Variants in PLEKHA8 observed in about 807,000 individuals in gnomAD.
PLEKHA8 encodes pleckstrin homology domain-containing family A member 8.
PLEKHA8 carries 36 observed loss-of-function variants against 68.2 expected under a neutral mutation model. The ratio of observed to expected loss-of-function variants is 0.53; its 90% CI spans 0.40 to 0.70. PLEKHA8 has a LOEUF of 0.70. Ranked by LOEUF, PLEKHA8 falls within the 30% of genes least tolerant of loss-of-function variation. The pLI is 0.00. For missense variants in PLEKHA8, 505 were observed against 615.4 expected, an observed-to-expected ratio of 0.82 and a Z score of 1.90; for synonymous variants, 211 against 216.1, an observed-to-expected ratio of 0.98 and a Z score of 0.20.
intron 1 of PLEKHA8, among the ~76,000 whole-genome samples, chr7:30,040,690 T>C (rs1791463069): frequency 6.6e-6 from 1 of 152,252 alleles, no homozygotes; most frequent in Non-Finnish European, 1.5e-5. Context: ...GTATGCTTTC[T>C]GTAGTGAAAC....
rs989166296 is a variant in PLEKHA8, at chr7:30,083,232, T to G, written c.*4445T>G. 3 of 982,352 alleles carry G rather than the reference T, an allele frequency of 3.1e-6. No individual in the cohort carries two copies. The highest frequency in any genetic ancestry group is 1.7e-5 in the African/African-American group (1 of 57,158). 60.9% of individuals were successfully genotyped at this position (982,352 alleles called of 1,614,324 possible). A position where few individuals can be genotyped will look rare whatever the true frequency, so the allele number is the denominator to read the frequency against. On this transcript the variant is annotated 3_prime_UTR_variant, in exon 14 of 14. Transcript: ENST00000449726. ...ATGGTAAATTTGTATTCTTATGGAT[T>G]GTATATAGAATGCTTTCGTTAGAAG...
chr7:30,045,864 C>G (rs1028307645), intron 2 of PLEKHA8, among the ~76,000 whole-genome samples: 1 of 152,130 alleles, frequency 6.6e-6, no homozygotes, highest in Non-Finnish European at 1.5e-5. Context: ...TTCTTGGCCT[C>G]AGAGCAGCCT....
At chr7:30,061,256 T>C (rs1476865168) in intron 10 of PLEKHA8, among the ~76,000 whole-genome samples, 1 of 152,150 alleles carries the variant, frequency 6.6e-6, no homozygotes, top group Non-Finnish European at 1.5e-5. Context: ...TTTTTTAGGT[T>C]TAAATGGTGA....
intron 12 of PLEKHA8, among the ~76,000 whole-genome samples, chr7:30,068,227 C>G (rs1008232966): frequency 1.3e-5 from 2 of 152,126 alleles, no homozygotes; most frequent in Non-Finnish European, 2.9e-5. Context: ...GATGCTGAGG[C>G]TGCTGGTTTG....
At chr7:30,127,935 T>G (rs894732927) in intron 13 of PLEKHA8, among the ~76,000 whole-genome samples, 7 of 152,212 alleles carry the variant, frequency 4.6e-5, no homozygotes, top group African/African-American at 1.7e-4. Flanking sequence ...TCTTTGATGT[T>G]TCATCCTATA....
intron 1 of PLEKHA8, among the ~76,000 whole-genome samples, chr7:30,044,591 C>G (rs976472377): frequency 1.3e-5 from 2 of 152,252 alleles, no homozygotes; most frequent in Non-Finnish European, 2.9e-5. Context: ...TTAGTTGGCA[C>G]TCTCTATGAC....
Position 30,073,632 on chromosome 7 carries a change from A to G in PLEKHA8, c.1301-439A>G, listed in dbSNP as rs1017610013. On this transcript the variant is annotated intron_variant, in intron 12 of 13. Coordinates refer to ENST00000449726, the MANE Select transcript of PLEKHA8 (RefSeq NM_001197026.2). The stretch of plus-strand genomic sequence containing the variant: ...TACTGCTTTAGATTTTTTGGGTCCA[A>G]AATCTTGTAATTAGATTTTTTTCAT... Among the ~76,000 whole-genome samples, 11 of 151,708 alleles carry G rather than the reference A, an allele frequency of 7.3e-5. No homozygotes were observed. In the South Asian group the frequency reaches 2.1e-3, roughly 29 times the overall value.
chr7:30,067,743 CT>C (rs1221975998), intron 12 of PLEKHA8, among the ~76,000 whole-genome samples: 2 of 152,190 alleles, frequency 1.3e-5, no homozygotes, highest in Admixed American at 6.5e-5. Flanking sequence ...TGTGCACATT[CT>C]TCCTTCTTCA....
At chr7:30,106,782 G>A (rs62446727) in intron 13 of PLEKHA8, among the ~76,000 whole-genome samples, 21,459 of 152,196 alleles carry the variant, frequency 0.14, 1,539 homozygotes, top group Middle Eastern at 0.18. Flanking sequence ...TTGAATGCAC[G>A]CAAATGAAGT....
intron 13 of PLEKHA8, among the ~76,000 whole-genome samples, chr7:30,115,579 CGTATACATGTAGACAT>C (rs958008393): frequency 1.1e-5 from 1 of 87,670 alleles, no homozygotes; most frequent in African/African-American, 3.1e-5. Flanking sequence ...TATACATGCA[CGTATACATGTAGACAT>C]GTATACATAC....
At chr7:30,044,076 G>A (rs1490970216) in intron 1 of PLEKHA8, among the ~76,000 whole-genome samples, 6 of 146,964 alleles carry the variant, frequency 4.1e-5, no homozygotes, top group Non-Finnish European at 7.4e-5. Flanking sequence ...AAAAGATCTC[G>A]GCTCACTGCA....
chr7:30,028,620 G>GGGCGTTCCCACACCGGGCCC lies in PLEKHA8; in HGVS notation c.-138_-137insTCCCACACCGGGCCCGGCGT. ...CCGGGCCGAGGATGTGAGGCGGGCC[G>GGGCGTTCCCACACCGGGCCC]GGCGTCCCCACACCGGGCCCGGGCG... On this transcript the variant is annotated 5_prime_UTR_variant, in exon 1 of 14. Transcript: ENST00000449726. 1.9e-6 allele frequency: 1 copy of GGGCGTTCCCACACCGGGCCC among 530,906 alleles called. No individual in the cohort carries two copies. Among genetic ancestry groups the GGGCGTTCCCACACCGGGCCC allele is most frequent in the Non-Finnish European group, 2.9e-6 (1 of 349,788 alleles). 32.9% of individuals were successfully genotyped at this position (530,906 alleles called of 1,614,324 possible).
At chr7:30,104,363 A>T (rs1186075787) in intron 13 of PLEKHA8, among the ~76,000 whole-genome samples, 1 of 152,174 alleles carries the variant, frequency 6.6e-6, no homozygotes, top group Non-Finnish European at 1.5e-5. Flanking sequence ...AGCCCCAATG[A>T]CCCATCTTCT....
chr7:30,030,973 C>T (rs1790616942), intron 1 of PLEKHA8, among the ~76,000 whole-genome samples: 1 of 152,248 alleles, frequency 6.6e-6, no homozygotes, highest in African/African-American at 2.4e-5. Flanking sequence ...TTTGTTCATT[C>T]TGAATTTTTC....
intron 13 of PLEKHA8, among the ~76,000 whole-genome samples, chr7:30,099,437 T>C (rs749912463): frequency 8.5e-5 from 13 of 152,188 alleles, no homozygotes; most frequent in Non-Finnish European, 1.5e-4. Context: ...ACAAATGCAT[T>C]AGGAACCCAG....
downstream of PLEKHA8, among the ~76,000 whole-genome samples, chr7:30,085,591 G>A (rs908424403): frequency 1.3e-5 from 2 of 152,136 alleles, no homozygotes; most frequent in African/African-American, 4.8e-5. Context: ...GGATACCTAC[G>A]GATATGTATG....
chr7:30,052,686 T>G, intron 6 of PLEKHA8, 23 bp from the exon 7 acceptor site: 1 of 1,531,126 alleles, frequency 6.5e-7, no homozygotes, highest in South Asian at 1.3e-5. Flanking sequence ...TTCTGGCTTT[T>G]TTTCCTTTTA....
intron 13 of PLEKHA8, among the ~76,000 whole-genome samples, chr7:30,111,345 A>ACTAT (rs1406981435): frequency 7.9e-5 from 12 of 152,342 alleles, no homozygotes; most frequent in Admixed American, 4.6e-4. Context: ...TTATTGACAC[A>ACTAT]CTATCTTGAT....
In PLEKHA8 at chr7:30,083,505, C is replaced by A. The variant is rs1795045385; in HGVS notation, c.*4718C>A. The A allele has an allele frequency of 1.0e-6, 1 of 985,152 alleles. No individual in the cohort carries two copies. The highest frequency in any genetic ancestry group is 1.7e-5 in the African/African-American group (1 of 57,182). The allele number at this position is 985,152 out of a possible 1,614,324, so 61.0% of individuals were successfully genotyped here. A position where few individuals can be genotyped will look rare whatever the true frequency, so the allele number is the denominator to read the frequency against. On this transcript the variant is annotated 3_prime_UTR_variant, in exon 14 of 14. Coordinates refer to ENST00000449726, the MANE Select transcript of PLEKHA8 (RefSeq NM_001197026.2). ...TAGTCCTGTGTACAGTGACTATTTG[C>A]ATGATTTCTCATTGCACTGCTGCAT...
Sources: allele counts gnomAD v4.1 joint callset (sites outside exome capture counted in the v4.1 genomes callset), GRCh38; gene constraint gnomAD v4.1.1; transcripts MANE v1.5; gene names NCBI Gene and HGNC (gene_info 2026-07-23, HGNC 2026-07-21).